The following BCR variants were observed in gnomAD, a reference collection of about 807,000 sequenced individuals.
The protein encoded by BCR is BCR activator of RhoGEF and GTPase.
In BCR, 58 loss-of-function variants were observed where a neutral mutation model predicts 138.6. The ratio of observed to expected loss-of-function variants is 0.42; its 90% confidence interval spans 0.34 to 0.52. BCR has a LOEUF of 0.52. BCR is among the 20% of genes least tolerant of loss of function. The probability of loss-of-function intolerance (pLI) is 0.06; values close to 1 mark genes in which losing one functional copy is unlikely to be tolerated. For missense variants in BCR, 1,599 were observed against 1,727.2 expected (o/e 0.93, Z 1.32); for synonymous variants, 786 against 730.1 (o/e 1.08, Z -1.23).
chr22:23,314,097 C>T (rs752759094), intron 21 of BCR, 24 bp downstream of exon 21: 58 of 1,588,594 alleles, frequency 3.7e-5, no homozygotes, highest in Non-Finnish European at 4.4e-5. Context: ...CCCATGGCAG[C>T]CCAGGGCTCC....
chr22:23,233,821 AAAAG>A (rs991042003), intron 1 of BCR, among the ~76,000 whole-genome samples: 7 of 151,674 alleles, frequency 4.6e-5, no homozygotes, highest in Non-Finnish European at 7.4e-5. Context: ...AAGAAAAAAA[AAAAG>A]AAGAACATGG....
At chr22:23,287,038 G>A in intron 10 of BCR, 121 bp from the exon 11 acceptor site, 1 of 1,507,426 alleles carries the variant, frequency 6.6e-7, no homozygotes, top group Non-Finnish European at 8.9e-7. Context: ...TGTGCTGAGT[G>A]GAGAGATGGG....
intron 4 of BCR, among the ~76,000 whole-genome samples, chr22:23,266,949 T>G (rs2073449756): frequency 6.6e-6 from 1 of 152,144 alleles, no homozygotes; most frequent in South Asian, 2.1e-4. Context: ...CCTGAGACCC[T>G]GCTGAGCTGT....
At chr22:23,267,922 C>T (rs2073463322) in intron 4 of BCR, among the ~76,000 whole-genome samples, 1 of 152,240 alleles carries the variant, frequency 6.6e-6, no homozygotes. Flanking sequence ...GTGGGAGGCT[C>T]TCTTCTGCAA....
intron 1 of BCR, among the ~76,000 whole-genome samples, chr22:23,196,849 C>G (rs1411441518): frequency 6.6e-6 from 1 of 152,196 alleles, no homozygotes; most frequent in African/African-American, 2.4e-5. Context: ...AAGCGTCACT[C>G]TCCGCCTACC....
At chr22:23,262,550 C>G (rs2073373378) in intron 4 of BCR, among the ~76,000 whole-genome samples, 1 of 151,758 alleles carries the variant, frequency 6.6e-6, no homozygotes, top group African/African-American at 2.4e-5. Flanking sequence ...ATCTTTGAAG[C>G]CCCCCCACCC....
At chr22:23,191,354 G>C (rs572699865) in intron 1 of BCR, among the ~76,000 whole-genome samples, 13 of 152,180 alleles carry the variant, frequency 8.5e-5, no homozygotes, top group African/African-American at 1.4e-4. Flanking sequence ...GGTATTTATT[G>C]AGCATCTACT....
intron 16 of BCR, among the ~76,000 whole-genome samples, chr22:23,308,475 T>C (rs1477194395): frequency 6.6e-6 from 1 of 151,976 alleles, no homozygotes; most frequent in Non-Finnish European, 1.5e-5. Context: ...CCAGCTAATT[T>C]GTTGTATTTT....
intron 1 of BCR, among the ~76,000 whole-genome samples, chr22:23,195,066 C>G (rs938706866): frequency 2.0e-5 from 3 of 152,054 alleles, no homozygotes; most frequent in Non-Finnish European, 4.4e-5. Flanking sequence ...CATCTGAGGT[C>G]AGGAGTTCAA....
At chr22:23,228,400 T>G (rs1174617894) in intron 1 of BCR, among the ~76,000 whole-genome samples, 3 of 152,182 alleles carry the variant, frequency 2.0e-5, no homozygotes, top group Admixed American at 2.0e-4. Context: ...ATTTGGAGGT[T>G]TTTCCAGGTG....
chr22:23,211,895 C>A (rs1417046162), intron 1 of BCR, among the ~76,000 whole-genome samples: 2 of 152,110 alleles, frequency 1.3e-5, no homozygotes, highest in East Asian at 1.9e-4. Context: ...CTTCTTGAGC[C>A]TGGACCCTTC....
chr22:23,246,752 G>A (rs1342318822), intron 1 of BCR, among the ~76,000 whole-genome samples: 1 of 152,156 alleles, frequency 6.6e-6, no homozygotes, highest in Non-Finnish European at 1.5e-5. Context: ...GAAGTACCCC[G>A]TAAAGGGTGG....
chr22:23,264,084 C>T lies in BCR; in HGVS notation c.1752+2544C>T, dbSNP rs559028747. The T allele has an allele frequency of 3.9e-5, 52 of 1,329,292 alleles. No individual in the cohort carries two copies. In the East Asian group the frequency reaches 9.0e-4, roughly 23 times the overall value. The allele number at this position is 1,329,292 out of a possible 1,614,324, so 82.3% of individuals were successfully genotyped here. Reference sequence around the variant, plus strand: ...CACCTATGTTCGCTACTGGGACTGCCGCACCAGTGTCCGGAAATGTGTCAT... The same window carrying T: ...CACCTATGTTCGCTACTGGGACTGCTGCACCAGTGTCCGGAAATGTGTCAT... On this transcript the variant is annotated intron_variant, in intron 4 of 22. Transcript: ENST00000305877.
intron 1 of BCR, chr22:23,216,890 G>A (rs2072760174): frequency 1.1e-5 from 3 of 275,626 alleles, no homozygotes; most frequent in Non-Finnish European, 2.2e-5. Flanking sequence ...GATGCTGCAG[G>A]GCTTCCTGAG....
intron 1 of BCR, among the ~76,000 whole-genome samples, chr22:23,201,870 C>T (rs2072557341): frequency 6.6e-6 from 1 of 152,140 alleles, no homozygotes; most frequent in African/African-American, 2.4e-5. Flanking sequence ...AGGCTGGCAT[C>T]TCAAGAGGGG....
intron 3 of BCR, 101 bp downstream of exon 3, chr22:23,261,155 G>GGT: frequency 7.6e-7 from 1 of 1,314,814 alleles, no homozygotes; most frequent in Non-Finnish European, 1.1e-6. Flanking sequence ...TCAGAGCCTG[G>GGT]GTGCAGCTCG....
chr22:23,304,099 ATTTTTTTTTTTTT>A (rs56805241), intron 16 of BCR, among the ~76,000 whole-genome samples: 1 of 102,210 alleles, frequency 9.8e-6, no homozygotes, highest in African/African-American at 4.0e-5. Context: ...ATGCCAGGCT[ATTTTTTTTTTTTT>A]TTTTTTTTTT....
chr22:23,215,952 C>G (rs1183195193), intron 1 of BCR, among the ~76,000 whole-genome samples: 4 of 152,126 alleles, frequency 2.6e-5, no homozygotes, highest in African/African-American at 9.7e-5. Flanking sequence ...CTAGAATTAC[C>G]ACGTTCCCTT....
chr22:23,222,852 TCAGGCTGC>T (rs2072841976), intron 1 of BCR, among the ~76,000 whole-genome samples: 1 of 152,210 alleles, frequency 6.6e-6, no homozygotes, highest in African/African-American at 2.4e-5. Flanking sequence ...CTTAGTCTGT[TCAGGCTGC>T]CATAACAAAA....
Sources: gnomAD v4.1 joint callset for allele counts (sites outside exome capture counted in the v4.1 genomes callset) on GRCh38, gnomAD v4.1.1 for gene constraint, MANE v1.5 for transcripts, NCBI Gene and HGNC (gene_info 2026-07-23, HGNC 2026-07-21) for gene names.